The following ISCU variants were observed in gnomAD, a reference collection of about 807,000 sequenced individuals.
The protein encoded by ISCU is iron-sulfur cluster assembly enzyme.
ISCU carries 13 observed loss-of-function variants against 18.4 expected under a neutral mutation model. The ratio of observed to expected loss-of-function variants is 0.71; its 90% confidence interval spans 0.46 to 1.12. The LOEUF (loss-of-function observed/expected upper bound fraction) is 1.12, where lower values mean the gene tolerates loss of function less well. ISCU is among the 50% of genes most tolerant of loss of function. The pLI, the probability that ISCU is intolerant of heterozygous loss-of-function variation, is 0.00. For missense variants in ISCU, 229 were observed against 208.7 expected (o/e 1.10, Z -0.60); for synonymous variants, 104 against 87.5 (o/e 1.19, Z -1.06).
rs1469697807 is a variant in ISCU, at chr12:108,568,843, A to G, written c.431A>G (p.Asp144Gly). 3 of 1,613,252 alleles carry G rather than the reference A, an allele frequency of 1.9e-6. No homozygotes were observed. The highest frequency in any genetic ancestry group is 2.5e-6 in the Non-Finnish European group (3 of 1,179,744). The change falls in exon 5 of 5, where the codon GAT becomes GGT. Residue 144 changes from aspartate (D) to glycine (G), a missense_variant. By Grantham distance (94) the Asp-to-Gly change is moderately conservative (BLOSUM62 -1). Transcript: ENST00000311893. ...CCGTTACTTCCAGTGCTGGCTGAAG[A>G]TGCAATCAAGGCCGCCCTGGCTGAT... ...VKLHCSMLAE[D>G]AIKAALADYK...
intron 4 of ISCU, chr12:108,567,663 G>C (rs999107293): frequency 1.3e-6 from 2 of 1,535,178 alleles, no homozygotes; most frequent in Non-Finnish European, 8.7e-7. Flanking sequence ...TTCAGAATCT[G>C]TGCTGTTTCC....
chr12:108,561,745 A>G (rs1054201384), upstream of ISCU, among the ~76,000 whole-genome samples: 1 of 152,270 alleles, frequency 6.6e-6, no homozygotes, highest in East Asian at 1.9e-4. Flanking sequence ...AACCAACAGT[A>G]AATTACATTA....
At position 108,568,970 on chromosome 12, in the gene ISCU, G is replaced by A; in HGVS notation, c.*54G>A. The stretch of plus-strand genomic sequence containing the variant: ...CCACACCAGCTGTTTCCCACCTGCT[G>A]TGCAGTCACCTTAGATGTTCAGAAG... On this transcript the variant is annotated 3_prime_UTR_variant, in exon 5 of 5. Coordinates refer to ENST00000311893, the MANE Select transcript of ISCU (RefSeq NM_213595.4). 2 of 1,473,650 alleles carry A rather than the reference G, an allele frequency of 1.4e-6. No homozygotes were observed. The highest frequency in any genetic ancestry group is 1.9e-6 in the Non-Finnish European group (2 of 1,066,382). The allele number at this position is 1,473,650 out of a possible 1,614,324, so 91.3% of individuals were successfully genotyped here. A position where few individuals can be genotyped will look rare whatever the true frequency, so the allele number is the denominator to read the frequency against.
intron 2 of ISCU, 54 bp from the exon 3 acceptor site, chr12:108,565,267 A>AACC: frequency 3.0e-6 from 4 of 1,336,840 alleles, no homozygotes; most frequent in Non-Finnish European, 4.3e-6. Context: ...CGTGAGTGCC[A>AACC]GGTTCCAGAG....
intron 3 of ISCU, among the ~76,000 whole-genome samples, chr12:108,566,664 G>A (rs1470297105): frequency 6.6e-6 from 1 of 152,236 alleles, no homozygotes; most frequent in African/African-American, 2.4e-5. Context: ...ATCTGGAGGA[G>A]ATGCTCCTAT....
upstream of ISCU, chr12:108,561,463 A>G (rs2030558235): frequency 2.8e-6 from 1 of 362,806 alleles, no homozygotes; most frequent in Non-Finnish European, 5.1e-6. Flanking sequence ...TGATGTCTGT[A>G]GTGAAGAATT....
Position 108,564,018 on chromosome 12 carries a change from A to G in ISCU, c.115-261A>G, listed in dbSNP as rs1304603656. The G allele has an allele frequency of 6.1e-6, 8 of 1,315,506 alleles. No individual in the cohort carries two copies. In the Admixed American group the frequency reaches 8.4e-5, roughly 14 times the overall value. The allele number at this position is 1,315,506 out of a possible 1,614,324, so 81.5% of individuals were successfully genotyped here. A position where few individuals can be genotyped will look rare whatever the true frequency, so the allele number is the denominator to read the frequency against. On this transcript the variant is annotated intron_variant, in intron 1 of 4. Transcript: ENST00000311893. ...AGTCAAGTATTTTTGTAAAAATCCT[A>G]TGGAACTAAGACATGATTTCACTGA...
intron 3 of ISCU, among the ~76,000 whole-genome samples, chr12:108,566,643 C>T (rs2030910691): frequency 6.6e-6 from 1 of 152,226 alleles, no homozygotes; most frequent in Non-Finnish European, 1.5e-5. Context: ...CCCAGGCATC[C>T]TCTTTAGTTG....
intron 1 of ISCU, 74 bp downstream of exon 1, chr12:108,562,810 TGC>T: frequency 1.2e-6 from 1 of 856,312 alleles, no homozygotes; most frequent in Non-Finnish European, 1.6e-6. Flanking sequence ...CGCGGGGTTC[TGC>T]GCAGCTAGGA....
Position 108,568,561 on chromosome 12 carries a change from TAGAAG to T in ISCU, c.419-265_419-261del, listed in dbSNP as rs1844635260. On this transcript the variant is annotated intron_variant, in intron 4 of 4. Transcript: ENST00000311893. Reference sequence around the variant, plus strand: ...GAAAAGCATGATTATCCCAGTTCTATAGAAGAGAAAGTAGGGTCAAAGAGGCTAAG... The same window carrying T: ...GAAAAGCATGATTATCCCAGTTCTATAGAAAGTAGGGTCAAAGAGGCTAAG... The T allele has an allele frequency of 2.2e-6, 3 of 1,337,314 alleles. No homozygotes were observed. The Admixed American group carries it at 9.5e-5, about 42-fold the overall frequency. The allele number at this position is 1,337,314 out of a possible 1,614,324, so 82.8% of individuals were successfully genotyped here.
Position 108,562,681 on chromosome 12 carries a change from GC to G in ISCU, c.64del (p.Arg22AlafsTer51). Reference protein sequence around the residue: ...RRAASALLLRSPRLPARELSA... With the variant: ...RRAASALLLRXPRLPARELSA... ...GCGGCATCGGCTCTGCTGCTGCGGA[GC>G]CCCCGCCTGCCCGCCCGGGAGCTGT... On this transcript the variant is annotated frameshift_variant, in exon 1 of 5. Transcript: ENST00000311893. LOFTEE classifies it high-confidence loss of function. The G allele has an allele frequency of 4.8e-6, 7 of 1,449,770 alleles. No individual in the cohort carries two copies. The highest frequency in any genetic ancestry group is 2.9e-5 in the East Asian group (1 of 34,804). The allele number at this position is 1,449,770 out of a possible 1,614,324, so 89.8% of individuals were successfully genotyped here. A position where few individuals can be genotyped will look rare whatever the true frequency, so the allele number is the denominator to read the frequency against.
intron 1 of ISCU, 117 bp from the exon 2 acceptor site, chr12:108,564,162 T>C (rs1443325238): frequency 9.3e-6 from 15 of 1,608,348 alleles, no homozygotes; most frequent in African/African-American, 1.3e-5. Flanking sequence ...TCAGGTGAAA[T>C]TTGGTATTTA....
chr12:108,565,429 ACGGT>A lies in ISCU; in HGVS notation c.338_339+2del, dbSNP rs753519258. 37 of 1,598,602 alleles carry A rather than the reference ACGGT, an allele frequency of 2.3e-5. No homozygotes were observed. The highest frequency in any genetic ancestry group is 1.7e-4 in the Admixed American group (10 of 60,002). ...AGCCACTGAATGGGTGAAAGGAAAGACGGTAAGGTGGCTCACAAATCTAATGGGT... is the reference window on the plus strand; with the variant it reads ...AGCCACTGAATGGGTGAAAGGAAAGAAAGGTGGCTCACAAATCTAATGGGT... On this transcript the variant is annotated splice_donor_variant and coding_sequence_variant, in exon 3 of 5. Transcript: ENST00000311893. LOFTEE classifies it high-confidence loss of function.
upstream of ISCU, among the ~76,000 whole-genome samples, chr12:108,561,754 T>C (rs1331898428): frequency 6.6e-6 from 1 of 152,236 alleles, no homozygotes; most frequent in Non-Finnish European, 1.5e-5. Flanking sequence ...TAAATTACAT[T>C]AATACGCATT....
At chr12:108,565,929 G>A (rs1232090959) in intron 3 of ISCU, among the ~76,000 whole-genome samples, 1 of 152,222 alleles carries the variant, frequency 6.6e-6, no homozygotes, top group African/African-American at 2.4e-5. Flanking sequence ...GTGGCTGATC[G>A]CAAGCCCTCT....
upstream of ISCU, among the ~76,000 whole-genome samples, chr12:108,562,025 C>CAG: frequency 1.3e-5 from 2 of 152,074 alleles, no homozygotes; most frequent in Non-Finnish European, 2.9e-5. Flanking sequence ...CGCCTTGACA[C>CAG]ATAGTAGGTA....
In ISCU at chr12:108,562,624, TGGC is replaced by T; in HGVS notation, c.9_11del (p.Ala4?). ...CTGGCGCAGGCGCAAGCCGGCAAGA[TGGC>T]GGCGGCTGGGGCTTTCCGTCTGAGG... is the stretch of plus-strand genomic sequence containing the variant. On this transcript the variant is annotated start_lost and inframe_deletion, in exon 1 of 5. Transcript: ENST00000311893. 1 of 1,466,310 alleles carries T rather than the reference TGGC, an allele frequency of 6.8e-7. No individual in the cohort carries two copies. The highest frequency in any genetic ancestry group is 9.0e-7 in the Non-Finnish European group (1 of 1,114,244). 90.8% of individuals were successfully genotyped at this position (1,466,310 alleles called of 1,614,324 possible). A position where few individuals can be genotyped will look rare whatever the true frequency, so the allele number is the denominator to read the frequency against.
intron 2 of ISCU, 150 bp from the exon 3 acceptor site, chr12:108,565,171 T>G (rs1267317715): frequency 3.0e-6 from 2 of 672,994 alleles, no homozygotes; most frequent in Non-Finnish European, 5.4e-6. Context: ...CTGAGCTCTT[T>G]GAAACAAGGC....
Position 108,567,287 on chromosome 12 carries a change from T to C in ISCU, c.418+19T>C. Reference sequence around the variant, plus strand: ...TGCTCCAGTAAGTCTCTGCTCTCCATACCAGTCAGCTGGGACATTTGGCAG... The same window carrying C: ...TGCTCCAGTAAGTCTCTGCTCTCCACACCAGTCAGCTGGGACATTTGGCAG... On this transcript the variant is annotated intron_variant, in intron 4 of 4. Coordinates refer to ENST00000311893, the MANE Select transcript of ISCU (RefSeq NM_213595.4). 6.3e-7 allele frequency: 1 copy of C among 1,593,484 alleles called. No individual in the cohort carries two copies. Among genetic ancestry groups the C allele is most frequent in the Non-Finnish European group, 8.6e-7 (1 of 1,161,246 alleles).
Sources: gnomAD v4.1 joint callset for allele counts (sites outside exome capture counted in the v4.1 genomes callset) on GRCh38, gnomAD v4.1.1 for gene constraint, MANE v1.5 for transcripts, NCBI Gene and HGNC (gene_info 2026-07-23, HGNC 2026-07-21) for gene names.